Variants in DMD observed in about 807,000 individuals in gnomAD.
DMD encodes dystrophin.
Under a neutral mutation model 330.1 loss-of-function variants are expected in DMD, and 63 were observed. The observed-to-expected ratio is 0.19, with a 90% CI of 0.16 to 0.24. The LOEUF is 0.24. Ranked by LOEUF, DMD falls within the 10% of genes least tolerant of loss-of-function variation. The pLI, the probability that DMD is intolerant of heterozygous loss-of-function variation, is 1.00. For synonymous variants in DMD, 1,223 were observed against 959.8 expected, an observed-to-expected ratio of 1.27 and a Z score of -5.07; for missense variants, 3,344 against 2,684.1, an observed-to-expected ratio of 1.25 and a Z score of -5.43.
rs199561771 is a variant in DMD, at chrX:32,541,274, C to CCAT, written c.2168+3882_2168+3884dup. ...ACCATCTCCATCACTACCTCCACCA[C>CCAT]CATCATCATCATCTCTACTATCGTT... On this transcript the variant is annotated intron_variant, in intron 17 of 78. Transcript: ENST00000357033. Among the ~76,000 whole-genome samples, 867 of 110,972 alleles carry CCAT rather than the reference C, an allele frequency of 7.8e-3. 11 individuals are homozygous for CCAT. Among genetic ancestry groups the CCAT allele is most frequent in the African/African-American group, 0.027 (824 of 30,459 alleles).
At chrX:31,783,719 G>T (rs1047042310) in intron 50 of DMD, among the ~76,000 whole-genome samples, 2 of 111,145 alleles carry the variant, frequency 1.8e-5, no homozygotes, top group Non-Finnish European at 3.8e-5. Flanking sequence ...TTTAGAGAGA[G>T]ACAGAGAAGT....
At chrX:31,729,834 G>T in intron 51 of DMD, 86 bp from the exon 52 acceptor site, 1 of 766,033 alleles carries the variant, frequency 1.3e-6, no homozygotes, top group Non-Finnish European at 2.0e-6. Flanking sequence ...ACAATTGTGA[G>T]ACCAGCCAAA....
intron 28 of DMD, among the ~76,000 whole-genome samples, chrX:32,440,153 T>A (rs1372818853): frequency 8.1e-5 from 9 of 111,601 alleles, no homozygotes; most frequent in African/African-American, 2.6e-4. Context: ...CTTTTATTAA[T>A]GTGCTGTAAA....
intron 9 of DMD, among the ~76,000 whole-genome samples, chrX:32,690,676 G>T (rs2063214298): frequency 9.1e-6 from 1 of 109,978 alleles, no homozygotes; most frequent in Admixed American, 9.7e-5. Flanking sequence ...ATAGAGCCCA[G>T]ATATAAATCT....
intron 52 of DMD, among the ~76,000 whole-genome samples, chrX:31,721,365 T>A (rs1264135843): frequency 9.1e-6 from 1 of 110,367 alleles, no homozygotes; most frequent in Non-Finnish European, 1.9e-5. Flanking sequence ...GTAAAGCAGA[T>A]TACCCTCCAC....
chrX:31,206,132 T>C (rs141240080), intron 66 of DMD, among the ~76,000 whole-genome samples: 1 of 112,749 alleles, frequency 8.9e-6, no homozygotes, highest in Non-Finnish European at 1.9e-5. Flanking sequence ...CGTCACGGAA[T>C]TGGATGTGTC....
chrX:32,469,813 TTA>T (rs769695351), intron 22 of DMD, among the ~76,000 whole-genome samples: 70 of 111,366 alleles, frequency 6.3e-4, no homozygotes, highest in Non-Finnish European at 1.2e-3. Flanking sequence ...CTCCTGTAAA[TTA>T]TGTTTATCTC....
chrX:31,213,110 G>A (rs2044931066), intron 64 of DMD, among the ~76,000 whole-genome samples: 2 of 112,482 alleles, frequency 1.8e-5, no homozygotes, highest in South Asian at 7.4e-4. Context: ...TACACTTATG[G>A]CTGAGGGACC....
intron 12 of DMD, among the ~76,000 whole-genome samples, chrX:32,602,763 C>G (rs2056332003): frequency 1.8e-5 from 2 of 110,966 alleles, no homozygotes; most frequent in Non-Finnish European, 3.8e-5. Flanking sequence ...CTAGACATTC[C>G]CAATCCTGGG....
intron 44 of DMD, among the ~76,000 whole-genome samples, chrX:32,168,311 G>T (rs2147323336): frequency 9.0e-6 from 1 of 110,949 alleles, no homozygotes; most frequent in East Asian, 2.9e-4. Flanking sequence ...ATACAATTTT[G>T]ATCTCTGGAA....
At chrX:33,147,303 TACATAA>T (rs2048082752) in intron 1 of DMD, among the ~76,000 whole-genome samples, 2 of 111,728 alleles carry the variant, frequency 1.8e-5, no homozygotes, top group African/African-American at 6.5e-5. Flanking sequence ...GGGATCAAAA[TACATAA>T]ACATAAACAC....
intron 55 of DMD, among the ~76,000 whole-genome samples, chrX:31,524,079 T>C (rs755047428): frequency 8.9e-6 from 1 of 112,114 alleles, no homozygotes; most frequent in Non-Finnish European, 1.9e-5. Context: ...GGCAATACTG[T>C]ATTATTCATT....
rs763777827 is a variant in DMD, at chrX:32,882,061, G to A, written c.94-32241C>T. On this transcript the variant is annotated intron_variant, in intron 2 of 78. Transcript: ENST00000357033. ...AGCTATTCAATTTAGCTTGTGTTTT[G>A]TTTTTCAAAAGCTTAGAGAATCAGC... 4.3e-3 allele frequency among the ~76,000 whole-genome samples: 485 copies of A among 112,091 alleles called. 8 individuals are homozygous for A. The East Asian group carries it at 0.064, about 15-fold the overall frequency.
chrX:33,112,866 T>A (rs1444465689), intron 1 of DMD, among the ~76,000 whole-genome samples: 1 of 108,391 alleles, frequency 9.2e-6, no homozygotes, highest in African/African-American at 3.4e-5. Context: ...CACAGGAGAA[T>A]CACTTGAACC....
At chrX:32,583,478 A>T (rs1353486057) in intron 13 of DMD, among the ~76,000 whole-genome samples, 1 of 111,702 alleles carries the variant, frequency 9.0e-6, no homozygotes, top group Non-Finnish European at 1.9e-5. Flanking sequence ...CAGCCTGGGT[A>T]GAAACAGCGA....
At chrX:32,803,715 T>C (rs988467023) in intron 7 of DMD, among the ~76,000 whole-genome samples, 1 of 112,332 alleles carries the variant, frequency 8.9e-6, no homozygotes, top group Non-Finnish European at 1.9e-5. Context: ...AATTTCATTA[T>C]TTACCCAGTA....
chrX:32,550,404 A>C (rs1174072804), intron 16 of DMD, among the ~76,000 whole-genome samples: 1 of 111,673 alleles, frequency 9.0e-6, no homozygotes, highest in Non-Finnish European at 1.9e-5. Context: ...TAAACAATAA[A>C]ATTAAGGCAG....
chrX:33,092,987 C>T (rs2095105976), intron 1 of DMD, among the ~76,000 whole-genome samples: 1 of 111,202 alleles, frequency 9.0e-6, no homozygotes, highest in Non-Finnish European at 1.9e-5. Context: ...GATTCTCCAG[C>T]CTCAGCCTCC....
intron 1 of DMD, chrX:33,041,349 G>A: frequency 1.7e-6 from 2 of 1,165,514 alleles, no homozygotes; most frequent in Non-Finnish European, 2.3e-6. Context: ...GCCCTCCACG[G>A]TTACCCCGGC....
Sources: allele counts gnomAD v4.1 joint callset (sites outside exome capture counted in the v4.1 genomes callset), GRCh38; gene constraint gnomAD v4.1.1; transcripts MANE v1.5; gene names NCBI Gene and HGNC (gene_info 2026-07-23, HGNC 2026-07-21).